The following PRSS53 variants were observed in gnomAD, a reference collection of about 807,000 sequenced individuals.
The protein encoded by PRSS53 is EDTP308.
A neutral mutation model predicts 62.7 loss-of-function variants in PRSS53; 54 were observed. That is an observed-to-expected ratio of 0.86 (90% CI 0.69 to 1.08). The LOEUF (loss-of-function observed/expected upper bound fraction) is 1.08. Ranked by LOEUF, PRSS53 falls within the 50% of genes least tolerant of loss-of-function variation. The pLI, the probability that PRSS53 is intolerant of heterozygous loss-of-function variation, is 0.00. For synonymous variants in PRSS53, 273 were observed against 300.0 expected (o/e 0.91, Z 0.93); for missense variants, 688 against 728.3 (o/e 0.94, Z 0.64).
chr16:31,088,718 G>A lies in PRSS53; in HGVS notation c.58+34C>T, dbSNP rs751104429. ...AGAGATGGCCCCTGAGCCCCCACCAGGCCACACCCATACCCCAGCACATGG... is the reference window on the plus strand; with the variant it reads ...AGAGATGGCCCCTGAGCCCCCACCAAGCCACACCCATACCCCAGCACATGG... On this transcript the variant is annotated intron_variant, in intron 1 of 10. Transcript: ENST00000280606. The A allele has an allele frequency of 9.9e-6, 16 of 1,612,132 alleles. No homozygotes were observed. The Admixed American group carries it at 1.0e-4, about 10-fold the overall frequency.
At chr16:31,083,986 C>T in intron 10 of PRSS53, 133 bp downstream of exon 10, 2 of 1,499,578 alleles carry the variant, frequency 1.3e-6, no homozygotes, top group South Asian at 2.7e-5. Flanking sequence ...GAACCAGAAT[C>T]TGAATCAAAT....
chr16:31,086,105 T>C (rs200516209), exon 6 of PRSS53: 71 of 1,613,566 alleles, frequency 4.4e-5, no homozygotes, highest in Middle Eastern at 1.7e-4. Context: ...TGGGCACAGC[T>C]TGATGCAAAG....
chr16:31,087,981 C>A (rs2057252657), intron 1 of PRSS53, 155 bp from the exon 2 acceptor site: 6 of 1,525,992 alleles, frequency 3.9e-6, no homozygotes, highest in Non-Finnish European at 5.3e-6. Flanking sequence ...TTATATGAGG[C>A]CGAGACAGCT....
intron 1 of PRSS53, chr16:31,088,292 TC>T: frequency 1.8e-6 from 2 of 1,122,750 alleles, no homozygotes; most frequent in South Asian, 4.8e-5. Context: ...GACTCAGTCT[TC>T]CCCACCTTCC....
In PRSS53 at chr16:31,086,871, C is replaced by T; in HGVS notation, c.270G>A (p.Trp90Ter). 6.2e-7 allele frequency: 1 copy of T among 1,603,160 alleles called. No individual in the cohort carries two copies. The highest frequency in any genetic ancestry group is 8.5e-7 in the Non-Finnish European group (1 of 1,175,072). The change falls in exon 4 of 11, where the codon TGG (tryptophan) becomes TGA (stop). Residue 90 changes from tryptophan (W) to a stop codon, truncating the protein, a stop_gained. Transcript: ENST00000280606. LOFTEE classifies it high-confidence loss of function. ...GCTGCAGAGAACCCAGGACCACTGA[C>T]CAGGAATTCAGTTCTGTTGCTGCTG...
At chr16:31,085,000 G>A (rs1432893783) in exon 8 of PRSS53, 14 of 1,584,868 alleles carry the variant, frequency 8.8e-6, no homozygotes, top group East Asian at 2.2e-5. Context: ...CCAGCCCTAC[G>A]CTCCATTCCT....
chr16:31,086,943 G>T (rs2057241623), intron 3 of PRSS53, 45 bp from the exon 4 acceptor site: 1 of 1,533,242 alleles, frequency 6.5e-7, no homozygotes, highest in Non-Finnish European at 8.8e-7. Flanking sequence ...TGCAAGGGTA[G>T]ACAGTGACAC....
In PRSS53 at chr16:31,087,612, C is replaced by T. The variant is rs745542470; in HGVS notation, c.167G>A (p.Arg56Lys). The T allele has an allele frequency of 4.3e-6, 7 of 1,610,712 alleles. No individual in the cohort carries two copies. Among genetic ancestry groups the T allele is most frequent in the African/African-American group, 2.7e-5 (2 of 74,852 alleles). ...GCCGCTGCAGATGTGGGCTCCTTGC[C>T]TCCTCACACTGGCCTGCCAGGGCCA... Residue 56 changes from arginine to lysine, a missense_variant, in exon 3 of 11, where the codon AGG becomes AAG. Coordinates refer to ENST00000280606, the Ensembl canonical transcript of PRSS53.
In PRSS53 at chr16:31,086,330, A is replaced by C; in HGVS notation, c.663+7T>G. The C allele has an allele frequency of 6.2e-7, 1 of 1,606,750 alleles. No individual in the cohort carries two copies. The highest frequency in any genetic ancestry group is 1.3e-5 in the African/African-American group (1 of 74,824). On this transcript the variant is annotated splice_region_variant and intron_variant, in intron 5 of 10. Transcript: ENST00000280606. ...CCCTTCTGCTCCTTCTCTTCTCCCT[A>C]TCAGACCTGACAGGGGCCCTGCACC...
At position 31,086,497 on chromosome 16, in the gene PRSS53, G is replaced by A. The variant is rs1222500218; in HGVS notation, c.509-6C>T. The A allele has an allele frequency of 6.2e-7, 1 of 1,608,840 alleles. No homozygotes were observed. Among genetic ancestry groups the A allele is most frequent in the Admixed American group, 1.7e-5 (1 of 59,732 alleles). ...ATTGCGTAGGGTCCCAGGAGCTGGTGAAAGAGACGGGGCTGGGGCTAGAGT... is the reference window on the plus strand; with the variant it reads ...ATTGCGTAGGGTCCCAGGAGCTGGTAAAAGAGACGGGGCTGGGGCTAGAGT... On this transcript the variant is annotated splice_polypyrimidine_tract_variant and splice_region_variant and intron_variant, in intron 4 of 10. Coordinates refer to ENST00000280606, the Ensembl canonical transcript of PRSS53.
exon 9 of PRSS53, chr16:31,084,678 G>A (rs138417092): frequency 0.012 from 19,455 of 1,611,904 alleles, 244 homozygotes; most frequent in Admixed American, 0.016. Context: ...GGAGGGTCAC[G>A]GGCACTGTCT....
At chr16:31,088,827 T>C (rs1306066920) in exon 1 of PRSS53, 14 of 1,613,396 alleles carry the variant, frequency 8.7e-6, no homozygotes, top group Non-Finnish European at 1.2e-5. Context: ...CGGGCCACTC[T>C]GCCACCTGTG....
intron 8 of PRSS53, 33 bp from the exon 9 acceptor site, chr16:31,084,736 C>T (rs1256983437): frequency 6.3e-7 from 1 of 1,599,440 alleles, no homozygotes. Flanking sequence ...CTGCCCCGGC[C>T]TGCAGGTTGG....
At chr16:31,086,276 C>A in intron 5 of PRSS53, 61 bp downstream of exon 5, 2 of 1,583,934 alleles carry the variant, frequency 1.3e-6, no homozygotes. Context: ...TCCTGTGAGT[C>A]CAACCCCCAG....
chr16:31,085,666 C>T (rs1422840869), intron 6 of PRSS53, among the ~76,000 whole-genome samples: 1 of 152,148 alleles, frequency 6.6e-6, no homozygotes, highest in Non-Finnish European at 1.5e-5. Flanking sequence ...CACTTAATGC[C>T]GGAATTCTGA....
intron 5 of PRSS53, 49 bp downstream of exon 5, chr16:31,086,288 C>T: frequency 1.3e-6 from 2 of 1,585,680 alleles, no homozygotes; most frequent in East Asian, 2.2e-5. Context: ...AACCCCCAGC[C>T]CAGGGTTAGG....
At chr16:31,085,320 T>A in intron 6 of PRSS53, 60 bp from the exon 7 acceptor site, 1 of 1,459,456 alleles carries the variant, frequency 6.9e-7, no homozygotes, top group Admixed American at 2.8e-5. Context: ...TCCCATCAAA[T>A]CCTCACAGTA....
At chr16:31,084,067 G>A (rs1026617716) in intron 10 of PRSS53, 52 bp downstream of exon 10, 3 of 1,538,804 alleles carry the variant, frequency 1.9e-6, no homozygotes, top group South Asian at 2.4e-5. Flanking sequence ...TCACTGGAGA[G>A]AGAAGGGTCC....
rs2143878400 is a variant in PRSS53 at position 31,086,248 on chromosome 16, T to G, written c.664-65A>C. The G allele has an allele frequency of 5.0e-6, 8 of 1,588,424 alleles. No individual in the cohort carries two copies. In the Middle Eastern group the frequency reaches 6.7e-4, roughly 132 times the overall value. On this transcript the variant is annotated intron_variant, in intron 5 of 10. Coordinates refer to ENST00000280606, the Ensembl canonical transcript of PRSS53. ...CCAGCTATGGCAGACACCCTCTGAT[T>G]GCAGGTCTTTCCCCCAGTCCTGTGA...
Sources: allele counts gnomAD v4.1 joint callset (sites outside exome capture counted in the v4.1 genomes callset), GRCh38; gene constraint gnomAD v4.1.1; transcripts MANE v1.5; gene names NCBI Gene and HGNC (gene_info 2026-07-23, HGNC 2026-07-21).